Variants in COLEC12 observed in about 807,000 individuals in gnomAD.
COLEC12 encodes the protein collectin subfamily member 12.
COLEC12 carries 33 observed loss-of-function variants against 71.1 expected under a neutral mutation model. The ratio of observed to expected loss-of-function variants is 0.46; its 90% CI spans 0.35 to 0.62. COLEC12 has a LOEUF of 0.62. Among genes scored for constraint, COLEC12 ranks in the 20% least tolerant of loss-of-function variants. The probability of loss-of-function intolerance (pLI) is 0.00; values close to 1 mark genes in which losing one functional copy is unlikely to be tolerated. For synonymous variants in COLEC12, 350 were observed against 353.0 expected (o/e 0.99, Z 0.10); for missense variants, 765 against 916.1 (o/e 0.84, Z 2.13).
chr18:483,285 C>T (rs1189738792), intron 1 of COLEC12, among the ~76,000 whole-genome samples: 2 of 151,636 alleles, frequency 1.3e-5, no homozygotes, highest in Non-Finnish European at 2.9e-5. Context: ...CTGTAATCCC[C>T]GCTACTTGGG....
At position 346,902 on chromosome 18, in the gene COLEC12, G is replaced by C; in HGVS notation, c.720C>G (p.Asp240Glu). 4 of 1,614,190 alleles carry C rather than the reference G, an allele frequency of 2.5e-6. No individual in the cohort carries two copies. Among genetic ancestry groups the C allele is most frequent in the African/African-American group, 2.7e-5 (2 of 75,048 alleles). ...TSQAIQRIKN[D>E]FQNLQQVFLQ... ...GAAAAACCTGCTGCAGATTTTGAAA[G>C]TCGTTCTTGATTCGCTGGATAGCCT... The change falls in exon 5 of 10, where the codon GAC becomes GAG. Residue 240 changes from aspartate (D) to glutamate (E), a missense_variant. Asp to Glu is a conservative substitution (Grantham distance 45). Transcript: ENST00000400256. This position sits in a 1 kb window ranked among gnomAD's most constrained non-coding sequence, Gnocchi z 4.0.
At chr18:340,537 G>A (rs913945395) in intron 5 of COLEC12, among the ~76,000 whole-genome samples, 1 of 152,166 alleles carries the variant, frequency 6.6e-6, no homozygotes, top group Non-Finnish European at 1.5e-5. Context: ...CCTGAGAAGT[G>A]CCCAGCCCAG....
At chr18:489,929 G>A (rs1917589274) in intron 1 of COLEC12, among the ~76,000 whole-genome samples, 2 of 152,226 alleles carry the variant, frequency 1.3e-5, no homozygotes, top group Non-Finnish European at 2.9e-5. Flanking sequence ...GTCACGGAGA[G>A]ATACGGGGGC....
intron 1 of COLEC12, among the ~76,000 whole-genome samples, chr18:498,513 C>T (rs1454343028): frequency 6.6e-6 from 1 of 151,976 alleles, no homozygotes; most frequent in African/African-American, 2.4e-5. Context: ...GTGCCTGCCA[C>T]CACGCCCAGC....
intron 2 of COLEC12, among the ~76,000 whole-genome samples, chr18:360,594 T>A (rs990700995): frequency 6.6e-6 from 1 of 152,332 alleles, no homozygotes; most frequent in Non-Finnish European, 1.5e-5. Context: ...TCTCAAACTT[T>A]AAAGTGCTTA....
At chr18:434,327 T>C (rs1021724713) in intron 2 of COLEC12, among the ~76,000 whole-genome samples, 2 of 152,136 alleles carry the variant, frequency 1.3e-5, no homozygotes, top group African/African-American at 2.4e-5. Context: ...CAAAAGAAGA[T>C]ACACAATGTT....
chr18:346,381 A>C lies in COLEC12; in HGVS notation c.1241T>G (p.Val414Gly). ...TTCCATAATCACTGATAAGTTGGCT[A>C]CTTCAGTGTCTAACCTCGACCTCAT... ...DLMRSRLDTE[V>G]ANLSVIMEEM... Residue 414 changes from valine to glycine, a missense_variant, in exon 5 of 10, where the codon GTA (valine) becomes GGA (glycine). Transcript: ENST00000400256. This position sits in a 1 kb window ranked among gnomAD's most constrained non-coding sequence, Gnocchi z 4.0. 1 of 1,614,018 alleles carries C rather than the reference A, an allele frequency of 6.2e-7. No homozygotes were observed. The highest frequency in any genetic ancestry group is 8.5e-7 in the Non-Finnish European group (1 of 1,179,918).
chr18:459,035 G>C (rs4798230), intron 2 of COLEC12, among the ~76,000 whole-genome samples: 1 of 151,990 alleles, frequency 6.6e-6, no homozygotes, highest in South Asian at 2.1e-4. Context: ...GGGACTGGGG[G>C]CTGGGAGAGG....
At chr18:404,440 T>C (rs1915746517) in intron 2 of COLEC12, among the ~76,000 whole-genome samples, 1 of 152,134 alleles carries the variant, frequency 6.6e-6, no homozygotes, top group Non-Finnish European at 1.5e-5. Flanking sequence ...GCCGCGGCTT[T>C]TTTTACCAAG....
rs1206523995 is a variant in COLEC12 at position 467,328 on chromosome 18, C to CA, written c.58+13378dup. On this transcript the variant is annotated intron_variant, in intron 2 of 9. Transcript: ENST00000400256. ...TCTCTTGGAGGAAGGAAAAAAGCCC[C>CA]AAGACACAGAGGACCACTGGATACC... Among the ~76,000 whole-genome samples, 4 of 152,340 alleles carry CA rather than the reference C, an allele frequency of 2.6e-5. No homozygotes were observed. The East Asian group carries it at 7.7e-4, about 29-fold the overall frequency.
At chr18:406,026 A>G (rs900016328) in intron 2 of COLEC12, among the ~76,000 whole-genome samples, 17 of 152,138 alleles carry the variant, frequency 1.1e-4, no homozygotes, top group Admixed American at 1.1e-3. Context: ...TAAAGTAGCC[A>G]GCTAAATCCC....
chr18:451,315 G>C (rs1457763942), intron 2 of COLEC12, among the ~76,000 whole-genome samples: 1 of 152,110 alleles, frequency 6.6e-6, no homozygotes. Context: ...CCTGAAATTA[G>C]AGCTTATATT....
intron 2 of COLEC12, among the ~76,000 whole-genome samples, chr18:435,394 C>T (rs1346788923): frequency 6.6e-6 from 1 of 152,156 alleles, no homozygotes; most frequent in Non-Finnish European, 1.5e-5. Flanking sequence ...TGAGTCCAAG[C>T]AGGGGAAATG....
chr18:319,215 A>G lies in COLEC12; in HGVS notation c.*830T>C, dbSNP rs1235792015. 2.0e-5 allele frequency: 3 copies of G among 151,948 alleles called. No individual in the cohort carries two copies. The highest frequency in any genetic ancestry group is 2.1e-4 in the South Asian group (1 of 4,824). The allele number at this position is 151,948 out of a possible 1,614,324, so 9.4% of individuals were successfully genotyped here. A position where few individuals can be genotyped will look rare whatever the true frequency, so the allele number is the denominator to read the frequency against. ...CTGGTGATGGGCTCAAGGCAGGCAC[A>G]GCCCGCTTCACTGTGCATGTGTGCA... is the stretch of plus-strand genomic sequence containing the variant. On this transcript the variant is annotated 3_prime_UTR_variant, in exon 10 of 10. Transcript: ENST00000400256.
At chr18:460,975 T>C (rs1916972702) in intron 2 of COLEC12, among the ~76,000 whole-genome samples, 1 of 152,198 alleles carries the variant, frequency 6.6e-6, no homozygotes, top group African/African-American at 2.4e-5. Flanking sequence ...TGAAGGTTGG[T>C]TGGTTGGTCA....
At chr18:465,145 C>A (rs1917060514) in intron 2 of COLEC12, among the ~76,000 whole-genome samples, 1 of 152,146 alleles carries the variant, frequency 6.6e-6, no homozygotes, top group Admixed American at 6.5e-5. Flanking sequence ...TCACTCTCAC[C>A]CAGACTGGAG....
intron 2 of COLEC12, among the ~76,000 whole-genome samples, chr18:474,938 G>A (rs376996163): frequency 8.8e-4 from 134 of 152,130 alleles, no homozygotes; most frequent in Middle Eastern, 6.8e-3. Context: ...AGCTGGGCTC[G>A]GTGGCGGCGC....
chr18:462,379 A>C lies in COLEC12; in HGVS notation c.58+18328T>G, dbSNP rs1268357933. Among the ~76,000 whole-genome samples, 3 of 152,372 alleles carry C rather than the reference A, an allele frequency of 2.0e-5. No individual in the cohort carries two copies. In the East Asian group the frequency reaches 5.8e-4, roughly 29 times the overall value. On this transcript the variant is annotated intron_variant, in intron 2 of 9. Transcript: ENST00000400256. ...AAAATGAGGTACTGCTACATGCCAC[A>C]ACATGGATGAAACTTGAAGACATAA...
At chr18:372,237 G>C (rs181858112) in intron 2 of COLEC12, among the ~76,000 whole-genome samples, 75 of 152,238 alleles carry the variant, frequency 4.9e-4, no homozygotes, top group African/African-American at 1.8e-3. Flanking sequence ...AGATTGAAAA[G>C]ACCAAACTGG....
Sources: gnomAD v4.1 joint callset for allele counts (sites outside exome capture counted in the v4.1 genomes callset) on GRCh38, gnomAD v4.1.1 for gene constraint, Gnocchi (gnomAD v3.1) non-coding constraint, MANE v1.5 for transcripts, NCBI Gene and HGNC (gene_info 2026-07-23, HGNC 2026-07-21) for gene names.